Variants in GOLGA4 observed in about 807,000 individuals in gnomAD.
The protein encoded by GOLGA4 is golgin A4.
A neutral mutation model predicts 265.9 loss-of-function variants in GOLGA4; 169 were observed. The ratio of observed to expected loss-of-function variants is 0.64; its 90% CI spans 0.56 to 0.72. The LOEUF is 0.72. Ranked by LOEUF, GOLGA4 falls within the 30% of genes least tolerant of loss-of-function variation. GOLGA4 has a pLI of 0.00. For synonymous variants in GOLGA4, 923 were observed against 855.8 expected (o/e 1.08, Z -1.37); for missense variants, 2,482 against 2,483.4 (o/e 1.00, Z 0.01).
intron 2 of GOLGA4, among the ~76,000 whole-genome samples, chr3:37,269,124 G>C (rs1490917693): frequency 1.3e-5 from 2 of 152,212 alleles, no homozygotes; most frequent in Admixed American, 6.5e-5. Flanking sequence ...CAGGGAACCT[G>C]TGTGTGCTTT....
chr3:37,329,198 G>GTT (rs928277917), intron 16 of GOLGA4, 105 bp downstream of exon 16: 151 of 697,482 alleles, frequency 2.2e-4, no homozygotes, highest in East Asian at 4.2e-4. Flanking sequence ...AACGAAAAGG[G>GTT]TTTTTTTTTT....
intron 5 of GOLGA4, among the ~76,000 whole-genome samples, chr3:37,292,689 A>G (rs2096868096): frequency 8.0e-6 from 1 of 124,510 alleles, no homozygotes; most frequent in Non-Finnish European, 1.8e-5. Flanking sequence ...GTCTCAAAAA[A>G]AAAAAAGGTT....
chr3:37,354,402 C>T (rs897760180), intron 21 of GOLGA4, among the ~76,000 whole-genome samples: 1 of 151,992 alleles, frequency 6.6e-6, no homozygotes, highest in African/African-American at 2.4e-5. Flanking sequence ...CTCAAAACAT[C>T]TCATCTTGAT....
chr3:37,285,918 T>A, intron 3 of GOLGA4, 96 bp from the exon 4 acceptor site: 1 of 682,148 alleles, frequency 1.5e-6, no homozygotes, highest in South Asian at 1.9e-5. Flanking sequence ...CTCTTCTAAT[T>A]TATTTTTTGA....
intron 4 of GOLGA4, among the ~76,000 whole-genome samples, chr3:37,287,776 G>T (rs986579197): frequency 2.0e-5 from 3 of 152,014 alleles, no homozygotes; most frequent in Non-Finnish European, 4.4e-5. Context: ...TGGCTTTTTT[G>T]GGGAAAAGAA....
chr3:37,317,715 T>A (rs1211014953), intron 11 of GOLGA4, among the ~76,000 whole-genome samples: 2 of 152,322 alleles, frequency 1.3e-5, no homozygotes, highest in East Asian at 3.9e-4. Context: ...TATATAACTC[T>A]TAGCAGTATG....
intron 20 of GOLGA4, among the ~76,000 whole-genome samples, chr3:37,341,349 A>T (rs533329552): frequency 2.2e-3 from 329 of 152,332 alleles, no homozygotes; most frequent in African/African-American, 7.6e-3. Flanking sequence ...TTATTTTGCT[A>T]CATGTTTTGT....
intron 2 of GOLGA4, chr3:37,273,655 C>A: frequency 2.2e-6 from 2 of 908,844 alleles, no homozygotes; most frequent in South Asian, 2.8e-5. Flanking sequence ...GAGTGTTGGT[C>A]AGTCTGTGTT....
intron 5 of GOLGA4, among the ~76,000 whole-genome samples, chr3:37,290,584 A>G (rs1300970465): frequency 2.0e-5 from 3 of 152,218 alleles, no homozygotes; most frequent in African/African-American, 7.2e-5. Context: ...CAATAATACA[A>G]ATAATTACAG....
At chr3:37,341,110 T>A (rs2097032407) in intron 20 of GOLGA4, among the ~76,000 whole-genome samples, 1 of 151,904 alleles carries the variant, frequency 6.6e-6, no homozygotes, top group African/African-American at 2.4e-5. Flanking sequence ...GAGGTTGCAG[T>A]GAGCCAAGAT....
chr3:37,340,894 G>A (rs1030987417), intron 20 of GOLGA4, among the ~76,000 whole-genome samples: 9 of 152,144 alleles, frequency 5.9e-5, no homozygotes, highest in Non-Finnish European at 1.2e-4. Flanking sequence ...CCTGGCGGGC[G>A]TGGTGGCTCA....
intron 22 of GOLGA4, among the ~76,000 whole-genome samples, chr3:37,358,003 G>A (rs1043079755): frequency 8.5e-5 from 13 of 152,104 alleles, no homozygotes; most frequent in African/African-American, 3.1e-4. Flanking sequence ...GCAACCCTAA[G>A]TGTTTTGTTA....
At chr3:37,291,068 A>G (rs1375241195) in intron 5 of GOLGA4, among the ~76,000 whole-genome samples, 1 of 152,222 alleles carries the variant, frequency 6.6e-6, no homozygotes, top group Non-Finnish European at 1.5e-5. Flanking sequence ...TGTTTTATAC[A>G]GTTAATGATT....
intron 22 of GOLGA4, among the ~76,000 whole-genome samples, chr3:37,356,033 A>G (rs1011229412): frequency 2.6e-5 from 4 of 152,106 alleles, no homozygotes; most frequent in Non-Finnish European, 5.9e-5. Flanking sequence ...ATCTCCAATA[A>G]AGAGCATAAG....
intron 19 of GOLGA4, 21 bp from the exon 20 acceptor site, chr3:37,340,103 C>G: frequency 3.2e-6 from 3 of 950,076 alleles, no homozygotes; most frequent in South Asian, 2.8e-5. Flanking sequence ...CTTATATGGT[C>G]TGATTATTTG....
chr3:37,295,109 T>C, intron 6 of GOLGA4, 32 bp downstream of exon 6: 1 of 1,310,698 alleles, frequency 7.6e-7, no homozygotes, highest in Non-Finnish European at 1.1e-6. Flanking sequence ...TGTGGAATTT[T>C]TTGGATAAAG....
chr3:37,299,024 A>G lies in GOLGA4; in HGVS notation c.1002+4A>G. 1 of 1,582,860 alleles carries G rather than the reference A, an allele frequency of 6.3e-7. No homozygotes were observed. Among genetic ancestry groups the G allele is most frequent in the Non-Finnish European group, 8.6e-7 (1 of 1,168,942 alleles). Reference sequence around the variant, plus strand: ...TCAAGAACTAGAAAAGATAAAGGTAAAAGAGCAGATGAGTTTTGTTCTAAT... The same window carrying G: ...TCAAGAACTAGAAAAGATAAAGGTAGAAGAGCAGATGAGTTTTGTTCTAAT... On this transcript the variant is annotated splice_donor_region_variant and intron_variant, in intron 8 of 23. Transcript: ENST00000361924.
intron 1 of GOLGA4, among the ~76,000 whole-genome samples, chr3:37,244,390 G>A (rs1375694070): frequency 6.6e-6 from 1 of 152,184 alleles, no homozygotes; most frequent in Non-Finnish European, 1.5e-5. Flanking sequence ...TGTTGCTTTA[G>A]GAAATGCGTT....
intron 21 of GOLGA4, among the ~76,000 whole-genome samples, chr3:37,352,399 C>A (rs2097077344): frequency 2.6e-5 from 4 of 151,988 alleles, no homozygotes; most frequent in Admixed American, 2.6e-4. Flanking sequence ...CTCACTATCA[C>A]AAGAACAGCA....
Sources: allele counts gnomAD v4.1 joint callset (sites outside exome capture counted in the v4.1 genomes callset), GRCh38; gene constraint gnomAD v4.1.1; transcripts MANE v1.5; gene names NCBI Gene and HGNC (gene_info 2026-07-23, HGNC 2026-07-21).